The following RASIP1 variants were observed in gnomAD, a reference collection of about 807,000 sequenced individuals.
RASIP1 encodes the protein Ras interacting protein 1, also known as ras-interacting protein 1.
In RASIP1, 20 loss-of-function variants were observed where a neutral mutation model predicts 85.3. The ratio of observed to expected loss-of-function variants is 0.23; its 90% CI spans 0.17 to 0.34. The LOEUF (loss-of-function observed/expected upper bound fraction) is 0.34, where lower values mean the gene tolerates loss of function less well. Ranked by LOEUF, RASIP1 falls within the 10% of genes least tolerant of loss-of-function variation. The probability of loss-of-function intolerance (pLI) is 1.00; values close to 1 mark genes in which losing one functional copy is unlikely to be tolerated. For missense variants in RASIP1, 1,170 were observed against 1,390.9 expected (o/e 0.84, Z 2.53); for synonymous variants, 617 against 647.1 (o/e 0.95, Z 0.71).
rs928775893 is a variant in RASIP1, at chr19:48,739,429, C to G, written c.354G>C (p.Trp118Cys). 2.8e-6 allele frequency: 4 copies of G among 1,439,294 alleles called. No individual in the cohort carries two copies. In the African/African-American group the frequency reaches 4.5e-5, roughly 16 times the overall value. 89.2% of individuals were successfully genotyped at this position (1,439,294 alleles called of 1,614,324 possible). The change falls in exon 3 of 12, where the codon TGG (tryptophan) becomes TGC (cysteine). Residue 118 changes from tryptophan to cysteine, a missense_variant. Trp to Cys is a radical substitution (Grantham distance 215). Transcript: ENST00000222145. This position sits in a 1 kb window ranked among gnomAD's most constrained non-coding sequence, Gnocchi z 9.2. ...GPGTPGGAQR[W>C]ASEKKLPELA... ...GCTCCGGCAGCTTCTTCTCGCTGGCCCAGCGCTGCGCGCCCCCCGGGGTCC... is the reference window on the plus strand; with the variant it reads ...GCTCCGGCAGCTTCTTCTCGCTGGCGCAGCGCTGCGCGCCCCCCGGGGTCC...
Position 48,738,922 on chromosome 19 carries a change from C to A in RASIP1, c.823+38G>T, listed in dbSNP as rs1053759650. 19 of 1,042,994 alleles carry A rather than the reference C, an allele frequency of 1.8e-5. No individual in the cohort carries two copies. Among genetic ancestry groups the A allele is most frequent in the Non-Finnish European group, 2.0e-5 (17 of 864,660 alleles). The allele number at this position is 1,042,994 out of a possible 1,614,324, so 64.6% of individuals were successfully genotyped here. On this transcript the variant is annotated intron_variant, in intron 3 of 11. Coordinates refer to ENST00000222145, the MANE Select transcript of RASIP1 (RefSeq NM_017805.3). This position sits in a 1 kb window ranked among gnomAD's most constrained non-coding sequence, Gnocchi z 4.0. The stretch of plus-strand genomic sequence containing the variant: ...CGCCCCACGGACCCCGCCTCTCTGG[C>A]ACCGAGTCCCCGCCCCAGAGCCCCG...
Position 48,739,283 on chromosome 19 carries a change from G to A in RASIP1, c.500C>T (p.Thr167Met). The change falls in exon 3 of 12, where the codon ACG becomes ATG. Residue 167 changes from threonine to methionine, a missense_variant. Physicochemically the swap from Thr to Met is moderately conservative, Grantham distance 81. Coordinates refer to ENST00000222145, the MANE Select transcript of RASIP1 (RefSeq NM_017805.3). This position sits in a 1 kb window ranked among gnomAD's most constrained non-coding sequence, Gnocchi z 9.2. ...SGANYKSVLA[T>M]ARSTARELVA... is the part of the protein sequence containing the mutation. ...GAGCTCGCGCGCCGTGGAGCGCGCC[G>A]TGGCCAGCACGCTCTTGTAGTTGGC... 1 of 1,464,750 alleles carries A rather than the reference G, an allele frequency of 6.8e-7. No homozygotes were observed. Among genetic ancestry groups the A allele is most frequent in the Admixed American group, 2.6e-5 (1 of 37,844 alleles). 90.7% of individuals were successfully genotyped at this position (1,464,750 alleles called of 1,614,324 possible).
rs1256148898 is a variant in RASIP1 at position 48,729,384 on chromosome 19, C to A, written c.1386G>T (p.Gly462=). ...PSRGAPVTHN[G]CLLLREAELH... is the part of the protein sequence containing the mutation. ...GCTCAGCCTCCCGCAGCAGGAGGCA[C>A]CCGTTGTGCGTGACTGGGGCGCCCC... is the stretch of plus-strand genomic sequence containing the variant. Residue 462 remains glycine, a synonymous_variant, in exon 5 of 12, where the codon GGG becomes GGT. Transcript: ENST00000222145. The A allele has an allele frequency of 2.6e-6, 4 of 1,556,340 alleles. No homozygotes were observed. In the Admixed American group the frequency reaches 5.8e-5, roughly 23 times the overall value.
In RASIP1 at chr19:48,740,413, G is replaced by A. The variant is rs1439209742; in HGVS notation, c.-5+108C>T. On this transcript the variant is annotated intron_variant, in intron 1 of 11. Coordinates refer to ENST00000222145, the MANE Select transcript of RASIP1 (RefSeq NM_017805.3). The surrounding 1 kb of genome is among the most constrained non-coding windows in gnomAD (Gnocchi z 5.5). Reference sequence around the variant, plus strand: ...CAGACTTGCGAGTCCAGGGGGAGGAGAGGGATGGTACCCTGGATTCCTGGG... The same window carrying A: ...CAGACTTGCGAGTCCAGGGGGAGGAAAGGGATGGTACCCTGGATTCCTGGG... 18 of 1,409,548 alleles carry A rather than the reference G, an allele frequency of 1.3e-5. No individual in the cohort carries two copies. Among genetic ancestry groups the A allele is most frequent in the Non-Finnish European group, 1.6e-5 (17 of 1,072,140 alleles). The allele number at this position is 1,409,548 out of a possible 1,614,324, so 87.3% of individuals were successfully genotyped here.
chr19:48,731,314 TTCCTACAATGGAC>T (rs896419477), intron 4 of RASIP1, among the ~76,000 whole-genome samples: 2 of 151,918 alleles, frequency 1.3e-5, no homozygotes, highest in Admixed American at 6.6e-5. Flanking sequence ...GTTCTCAATA[TTCCTACAATGGAC>T]TCCTACAATG....
At chr19:48,725,574 AG>A (rs1227597117) in intron 8 of RASIP1, 1 of 152,348 alleles carries the variant, frequency 6.6e-6, no homozygotes, top group African/African-American at 2.4e-5. Flanking sequence ...GTTAAGGTCA[AG>A]GGTAATGGGG....
chr19:48,740,296 G>A lies in RASIP1; in HGVS notation c.-4-10C>T. The stretch of plus-strand genomic sequence containing the variant: ...ACCAGACAGCATGGCCCTAAGGGAA[G>A]GCGGGTAAGGCCCCAACTCCTAAGG... On this transcript the variant is annotated splice_polypyrimidine_tract_variant and intron_variant, in intron 1 of 11. Coordinates refer to ENST00000222145, the MANE Select transcript of RASIP1 (RefSeq NM_017805.3). This position sits in a 1 kb window ranked among gnomAD's most constrained non-coding sequence, Gnocchi z 5.5. The A allele has an allele frequency of 1.3e-6, 2 of 1,571,046 alleles. No individual in the cohort carries two copies. The highest frequency in any genetic ancestry group is 2.3e-5 in the South Asian group (2 of 86,828).
chr19:48,721,830 A>G (rs369319854), intron 11 of RASIP1, 24 bp downstream of exon 11: 20 of 1,587,522 alleles, frequency 1.3e-5, no homozygotes, highest in South Asian at 3.4e-5. Context: ...GACAGCCCCA[A>G]TGCTGTATCC....
intron 4 of RASIP1, 100 bp downstream of exon 4, chr19:48,735,096 C>T: frequency 8.8e-7 from 1 of 1,132,598 alleles, no homozygotes. Flanking sequence ...GTACTTGAGG[C>T]TAGCGCGCCC....
In RASIP1 at chr19:48,739,648, G is replaced by A; in HGVS notation, c.138-3C>T. On this transcript the variant is annotated splice_region_variant and splice_polypyrimidine_tract_variant and intron_variant, in intron 2 of 11. Transcript: ENST00000222145. The surrounding 1 kb of genome is among the most constrained non-coding windows in gnomAD (Gnocchi z 9.2). Reference sequence around the variant, plus strand: ...TCCCCGTGTCCGACGAAGAAGACCTGGGAGTCCGCCGGGGAACAGAGTCGC... The same window carrying A: ...TCCCCGTGTCCGACGAAGAAGACCTAGGAGTCCGCCGGGGAACAGAGTCGC... 1 of 1,406,532 alleles carries A rather than the reference G, an allele frequency of 7.1e-7. No individual in the cohort carries two copies. Among genetic ancestry groups the A allele is most frequent in the Non-Finnish European group, 9.3e-7 (1 of 1,079,446 alleles). The allele number at this position is 1,406,532 out of a possible 1,614,324, so 87.1% of individuals were successfully genotyped here.
chr19:48,727,169 A>G lies in RASIP1; in HGVS notation c.1872-11T>C, dbSNP rs767618889. On this transcript the variant is annotated splice_polypyrimidine_tract_variant and intron_variant, in intron 6 of 11. Coordinates refer to ENST00000222145, the MANE Select transcript of RASIP1 (RefSeq NM_017805.3). ...ACCCCCTCAGGGTGGCTTGAAAAAG[A>G]GGAAGGAATTTGTGATCCCTGCCCA... 6.2e-7 allele frequency: 1 copy of G among 1,613,352 alleles called. No homozygotes were observed. Among genetic ancestry groups the G allele is most frequent in the Middle Eastern group, 1.8e-4 (1 of 5,416 alleles).
At chr19:48,736,015 C>T (rs1221423776) in intron 3 of RASIP1, among the ~76,000 whole-genome samples, 1 of 151,548 alleles carries the variant, frequency 6.6e-6, no homozygotes, top group East Asian at 2.0e-4. Flanking sequence ...AGGCTGGTCT[C>T]GGACTGGTCG....
rs1441469308 is a variant in RASIP1 at position 48,738,953 on chromosome 19, C to A, written c.823+7G>T. 5.8e-6 allele frequency: 7 copies of A among 1,213,756 alleles called. No individual in the cohort carries two copies. Among genetic ancestry groups the A allele is most frequent in the Non-Finnish European group, 7.2e-6 (7 of 976,998 alleles). 75.2% of individuals were successfully genotyped at this position (1,213,756 alleles called of 1,614,324 possible). ...GTCCCCGCCCCAGAGCCCCGCCCGC[C>A]GCTCACCTTCGCTGTCCGCGGCCCC... On this transcript the variant is annotated splice_region_variant and intron_variant, in intron 3 of 11. Transcript: ENST00000222145. This position sits in a 1 kb window ranked among gnomAD's most constrained non-coding sequence, Gnocchi z 4.0.
At chr19:48,721,814 A>T in intron 11 of RASIP1, 40 bp downstream of exon 11, 1 of 1,558,372 alleles carries the variant, frequency 6.4e-7, no homozygotes, top group Non-Finnish European at 8.7e-7. Flanking sequence ...AAAGAAGAAG[A>T]AAGCTGACAG....
In RASIP1 at chr19:48,724,726, T is replaced by C; in HGVS notation, c.2362A>G (p.Met788Val). 1 of 1,614,156 alleles carries C rather than the reference T, an allele frequency of 6.2e-7. No homozygotes were observed. Among genetic ancestry groups the C allele is most frequent in the Non-Finnish European group, 8.5e-7 (1 of 1,180,014 alleles). ...CCCAGCCAACCTTCACCTCGTTCCA[T>C]CAGCGAGTTGAGAAGGGATGCGTTG... ...FSNASLLNSL[M>V]ERGQGRPFYQ... The change falls in exon 9 of 12, where the codon ATG becomes GTG. Residue 788 changes from methionine to valine, a missense_variant. Coordinates refer to ENST00000222145, the MANE Select transcript of RASIP1 (RefSeq NM_017805.3). This position sits in a 1 kb window ranked among gnomAD's most constrained non-coding sequence, Gnocchi z 4.6.
chr19:48,739,125 C>T lies in RASIP1; in HGVS notation c.658G>A (p.Glu220Lys). The T allele has an allele frequency of 7.4e-7, 1 of 1,345,948 alleles. No individual in the cohort carries two copies. The highest frequency in any genetic ancestry group is 9.5e-7 in the Non-Finnish European group (1 of 1,054,414). 83.4% of individuals were successfully genotyped at this position (1,345,948 alleles called of 1,614,324 possible). A position where few individuals can be genotyped will look rare whatever the true frequency, so the allele number is the denominator to read the frequency against. The change falls in exon 3 of 12, where the codon GAG (glutamate) becomes AAG (lysine). Residue 220 changes from glutamate (E) to lysine (K), a missense_variant. Physicochemically the swap from Glu to Lys is moderately conservative, Grantham distance 56. This residue lies in a region of RASIP1 where 299 missense variants were observed against 394.4 expected (regional missense o/e 0.76). Coordinates refer to ENST00000222145, the MANE Select transcript of RASIP1 (RefSeq NM_017805.3). This position sits in a 1 kb window ranked among gnomAD's most constrained non-coding sequence, Gnocchi z 9.2. The part of the protein sequence containing the change: ...RPAAAGVGSG[E>K]WRAEHLRVLG... ...ACGCGCAGGTGCTCCGCCCGCCACT[C>T]GCCGCTTCCCACGCCCGCCGCCGCG...
In RASIP1 at chr19:48,738,028, T is replaced by C; in HGVS notation, c.823+932A>G. On this transcript the variant is annotated intron_variant, in intron 3 of 11. Transcript: ENST00000222145. This position sits in a 1 kb window ranked among gnomAD's most constrained non-coding sequence, Gnocchi z 4.0. The stretch of plus-strand genomic sequence containing the variant: ...GGCGCGATCTTGGCTCACTGCAGCC[T>C]CTGCCTCCTGGGTTCAAATTATTCT... 1 of 805,436 alleles carries C rather than the reference T, an allele frequency of 1.2e-6. No individual in the cohort carries two copies. Among genetic ancestry groups the C allele is most frequent in the Non-Finnish European group, 1.5e-6 (1 of 666,074 alleles). The allele number at this position is 805,436 out of a possible 1,614,324, so 49.9% of individuals were successfully genotyped here. A position where few individuals can be genotyped will look rare whatever the true frequency, so the allele number is the denominator to read the frequency against.
At chr19:48,727,749 C>T (rs1485289022) in intron 5 of RASIP1, among the ~76,000 whole-genome samples, 2 of 146,656 alleles carry the variant, frequency 1.4e-5, no homozygotes, top group African/African-American at 5.0e-5. Context: ...TGCAATGGCT[C>T]AATTTTGGCT....
rs1463422822 is a variant in RASIP1 at position 48,739,294 on chromosome 19, G to A, written c.489C>T (p.Ser163=). 1.3e-5 allele frequency: 19 copies of A among 1,429,760 alleles called. No individual in the cohort carries two copies. Among genetic ancestry groups the A allele is most frequent in the Non-Finnish European group, 1.5e-5 (17 of 1,098,102 alleles). 88.6% of individuals were successfully genotyped at this position (1,429,760 alleles called of 1,614,324 possible). A position where few individuals can be genotyped will look rare whatever the true frequency, so the allele number is the denominator to read the frequency against. The change falls in exon 3 of 12, where the codon AGC becomes AGT. Residue 163 remains serine, a synonymous_variant. Transcript: ENST00000222145. This position sits in a 1 kb window ranked among gnomAD's most constrained non-coding sequence, Gnocchi z 9.2. ...AGLASGANYK[S]VLATARSTAR... is the part of the protein sequence containing the mutation. ...CCGTGGAGCGCGCCGTGGCCAGCAC[G>A]CTCTTGTAGTTGGCGCCCGATGCCA...
Sources: gnomAD v4.1 joint callset for allele counts (sites outside exome capture counted in the v4.1 genomes callset) on GRCh38, gnomAD v4.1.1 for gene constraint, gnomAD v4.1.1 regional missense constraint, Gnocchi (gnomAD v3.1) non-coding constraint, MANE v1.5 for transcripts, NCBI Gene and HGNC (gene_info 2026-07-23, HGNC 2026-07-21) for gene names.